Variants in CACNB4 observed in about 807,000 individuals in gnomAD.
The protein encoded by CACNB4 is voltage-dependent L-type calcium channel subunit beta-4.
CACNB4 carries 32 observed loss-of-function variants against 71.2 expected under a neutral mutation model. The ratio of observed to expected loss-of-function variants is 0.45; its 90% CI spans 0.34 to 0.60. The LOEUF is 0.60. Among genes scored for constraint, CACNB4 ranks in the 20% least tolerant of loss-of-function variants. The pLI, the probability that CACNB4 is intolerant of heterozygous loss-of-function variation, is 0.01. For synonymous variants in CACNB4, 231 were observed against 236.9 expected, an observed-to-expected ratio of 0.97 and a Z score of 0.23; for missense variants, 464 against 647.9, an observed-to-expected ratio of 0.72 and a Z score of 3.08.
chr2:151,940,931 C>G (rs2151631008), intron 2 of CACNB4, among the ~76,000 whole-genome samples: 1 of 152,300 alleles, frequency 6.6e-6, no homozygotes, highest in Admixed American at 6.5e-5. Context: ...TCATTTTTGA[C>G]ATTTCCTTGC....
intron 12 of CACNB4, among the ~76,000 whole-genome samples, chr2:151,849,015 A>T (rs1294059060): frequency 1.3e-5 from 2 of 152,152 alleles, no homozygotes; most frequent in African/African-American, 4.8e-5. Flanking sequence ...TAAAAAAAAA[A>T]TGAGATGGGT....
At chr2:152,066,469 G>A (rs1326555028) in intron 2 of CACNB4, among the ~76,000 whole-genome samples, 2 of 151,908 alleles carry the variant, frequency 1.3e-5, no homozygotes, top group Non-Finnish European at 1.5e-5. Context: ...AGTTAGAATG[G>A]CAATCATTAA....
intron 2 of CACNB4, among the ~76,000 whole-genome samples, chr2:152,074,498 A>G (rs1178385411): frequency 6.7e-6 from 1 of 149,192 alleles, no homozygotes; most frequent in African/African-American, 2.5e-5. Context: ...CCTCTCCGCC[A>G]TCACCACCAT....
chr2:152,063,101 CAT>C (rs200169645), intron 2 of CACNB4, among the ~76,000 whole-genome samples: 2,484 of 152,284 alleles, frequency 0.016, 28 homozygotes, highest in Non-Finnish European at 0.026. Context: ...CCATTCCAGA[CAT>C]ATCGCAATGT....
At chr2:152,062,013 A>AAATAATAATAATAATAAT (rs10664776) in intron 2 of CACNB4, among the ~76,000 whole-genome samples, 209 of 141,174 alleles carry the variant, frequency 1.5e-3, no homozygotes, top group East Asian at 6.1e-3. Context: ...TTCCATCTCA[A>AAATAATAATAATAATAAT]AATAATAATA....
intron 2 of CACNB4, among the ~76,000 whole-genome samples, chr2:152,042,475 C>A (rs1319826189): frequency 6.6e-6 from 1 of 152,164 alleles, no homozygotes; most frequent in Non-Finnish European, 1.5e-5. Context: ...ACAGACCTGG[C>A]AAGCTACTCT....
chr2:151,977,085 C>G (rs1036596404), intron 2 of CACNB4, among the ~76,000 whole-genome samples: 1 of 152,198 alleles, frequency 6.6e-6, no homozygotes, highest in Admixed American at 6.5e-5. Context: ...GTTTGAAAAC[C>G]TTGGGGCTCA....
At chr2:151,847,134 C>A (rs981919053) in intron 12 of CACNB4, among the ~76,000 whole-genome samples, 3 of 147,688 alleles carry the variant, frequency 2.0e-5, no homozygotes, top group African/African-American at 7.5e-5. Context: ...TGGGGCAGCA[C>A]TTTGGGAGGC....
rs764764389 is a variant in CACNB4, at chr2:151,880,859, C to T, written c.331G>A (p.Val111Met). ...GAGATAGCTGTGCTTGGAACAGGCA[C>T]ATCCTCGTCCAGGGCGCCGCAGTAG... is the stretch of plus-strand genomic sequence containing the variant. ...VSYCGALDED[V>M]PVPSTAISFD... is the part of the protein sequence containing the mutation. The change falls in exon 4 of 14, where the codon GTG (valine) becomes ATG (methionine). Residue 111 changes from valine (V) to methionine (M), a missense_variant. Val to Met is a conservative substitution (Grantham distance 21, BLOSUM62 1). Coordinates refer to ENST00000539935, the MANE Select transcript of CACNB4 (RefSeq NM_000726.5). 4 of 1,613,634 alleles carry T rather than the reference C, an allele frequency of 2.5e-6. No homozygotes were observed. The highest frequency in any genetic ancestry group is 1.1e-5 in the South Asian group (1 of 91,022).
intron 2 of CACNB4, among the ~76,000 whole-genome samples, chr2:151,948,216 CT>C (rs1578925392): frequency 6.6e-6 from 1 of 152,212 alleles, no homozygotes; most frequent in African/African-American, 2.4e-5. Context: ...CTAAATGAGC[CT>C]TGCAGTTTAG....
chr2:151,940,638 A>G (rs1261338296), intron 2 of CACNB4, among the ~76,000 whole-genome samples: 1 of 152,188 alleles, frequency 6.6e-6, no homozygotes, highest in African/African-American at 2.4e-5. Context: ...TCGGAACTTC[A>G]ATTTCTTCAT....
chr2:151,849,034 C>T (rs746157716), intron 12 of CACNB4, among the ~76,000 whole-genome samples: 3 of 152,194 alleles, frequency 2.0e-5, no homozygotes, highest in Non-Finnish European at 4.4e-5. Context: ...GTTTGCAGGT[C>T]CTGTTCCCCT....
intron 12 of CACNB4, among the ~76,000 whole-genome samples, chr2:151,842,961 T>C (rs2151322490): frequency 6.6e-6 from 1 of 152,310 alleles, no homozygotes; most frequent in African/African-American, 2.4e-5. Flanking sequence ...GAAAGAAAGT[T>C]TAGGATTAAT....
At position 151,893,165 on chromosome 2, in the gene CACNB4, A is replaced by C. The variant is rs142701604; in HGVS notation, c.148-9795T>G. 4.3e-3 allele frequency among the ~76,000 whole-genome samples: 649 copies of C among 152,304 alleles called. 5 individuals are homozygous for C. The highest frequency in any genetic ancestry group is 0.015 in the African/African-American group (618 of 41,552). On this transcript the variant is annotated intron_variant, in intron 2 of 13. Coordinates refer to ENST00000539935, the MANE Select transcript of CACNB4 (RefSeq NM_000726.5). ...CATGATATAGGAAACACTGCAAATC[A>C]ATGGGAAAAGAATGATTATCCAGTT...
intron 13 of CACNB4, among the ~76,000 whole-genome samples, chr2:151,839,634 TG>T (rs1427915932): frequency 5.3e-5 from 8 of 152,210 alleles, no homozygotes; most frequent in Admixed American, 2.0e-4. Flanking sequence ...CTATTACAAA[TG>T]TAGAATTGAA....
At chr2:151,846,380 A>G (rs77304544) in intron 12 of CACNB4, among the ~76,000 whole-genome samples, 3,982 of 152,268 alleles carry the variant, frequency 0.026, 179 homozygotes, top group African/African-American at 0.091. Context: ...TTCCTTAATG[A>G]CTATAAAATA....
At chr2:151,968,755 C>T (rs189405424) in intron 2 of CACNB4, 3 of 152,102 alleles carry the variant, frequency 2.0e-5, no homozygotes, top group Non-Finnish European at 4.4e-5. Context: ...GTCACAGGGC[C>T]ATATTCTAAA....
chr2:152,077,612 C>G (rs1197521259), intron 2 of CACNB4, among the ~76,000 whole-genome samples: 4 of 151,988 alleles, frequency 2.6e-5, no homozygotes, highest in Admixed American at 2.6e-4. Context: ...CACCTGTAGT[C>G]CCAGCTACTC....
intron 2 of CACNB4, chr2:151,969,982 G>C (rs746186277): frequency 7.9e-5 from 12 of 152,124 alleles, no homozygotes; most frequent in Non-Finnish European, 1.6e-4. Flanking sequence ...CACAGGAAAA[G>C]ATCAGGTCCC....
Sources: allele counts gnomAD v4.1 joint callset (sites outside exome capture counted in the v4.1 genomes callset), GRCh38; gene constraint gnomAD v4.1.1; transcripts MANE v1.5; gene names NCBI Gene and HGNC (gene_info 2026-07-23, HGNC 2026-07-21).